The following TERF2IP variants were observed in gnomAD, a reference collection of about 807,000 sequenced individuals.
TERF2IP encodes telomeric repeat-binding factor 2-interacting protein 1.
TERF2IP carries 35 observed loss-of-function variants against 33.3 expected under a neutral mutation model. The ratio of observed to expected loss-of-function variants is 1.05; its 90% CI spans 0.80 to 1.39. The LOEUF (loss-of-function observed/expected upper bound fraction) is 1.39, where lower values mean the gene tolerates loss of function less well. Among genes scored for constraint, TERF2IP ranks in the 40% most tolerant of loss-of-function variants. The probability of loss-of-function intolerance (pLI) is 0.00; values close to 1 mark genes in which losing one functional copy is unlikely to be tolerated. For synonymous variants in TERF2IP, 253 were observed against 223.2 expected, an observed-to-expected ratio of 1.13 and a Z score of -1.19; for missense variants, 583 against 524.8, an observed-to-expected ratio of 1.11 and a Z score of -1.08.
At chr16:75,655,935 A>G (rs556373558) in intron 2 of TERF2IP, among the ~76,000 whole-genome samples, 96 of 152,262 alleles carry the variant, frequency 6.3e-4, no homozygotes, top group African/African-American at 2.0e-3. Flanking sequence ...TTGGAATACT[A>G]TAGTCAATTA....
intron 1 of TERF2IP, among the ~76,000 whole-genome samples, chr16:75,649,275 G>T (rs1725287502): frequency 6.6e-6 from 1 of 152,200 alleles, no homozygotes; most frequent in Admixed American, 6.5e-5. Context: ...CGGGCGCGGC[G>T]GCTCAAGCTT....
Position 75,648,185 on chromosome 16 carries a change from G to T in TERF2IP, c.303G>T (p.Leu101=). The T allele has an allele frequency of 6.4e-7, 1 of 1,554,218 alleles. No individual in the cohort carries two copies. The change falls in exon 1 of 3, where the codon CTG becomes CTT. Residue 101 remains leucine (L), a synonymous_variant. Coordinates refer to ENST00000300086, the MANE Select transcript of TERF2IP (RefSeq NM_018975.4). The stretch of plus-strand genomic sequence containing the variant: ...GGCTGGAGCTGGAGGCCTATCGGCT[G>T]GGCCCCGCCTCGGCGGCGGACACCG... ...NERLELEAYR[L]GPASAADTGS... is the part of the protein sequence containing the mutation.
chr16:75,648,039 G>T lies in TERF2IP; in HGVS notation c.157G>T (p.Val53Leu), dbSNP rs778592091. The T allele has an allele frequency of 6.2e-7, 1 of 1,608,860 alleles. No homozygotes were observed. The highest frequency in any genetic ancestry group is 1.3e-5 in the African/African-American group (1 of 74,932). The change falls in exon 1 of 3, where the codon GTG (valine) becomes TTG (leucine). Residue 53 changes from valine to leucine, a missense_variant. Physicochemically the swap from Val to Leu is conservative, Grantham distance 32 (BLOSUM62 1). Coordinates refer to ENST00000300086, the MANE Select transcript of TERF2IP (RefSeq NM_018975.4). ...GCTCATCCTGCACGGCGGCGGCACC[G>T]TGTGCCGAGTGCAGGAGCCCGGGGC... is the stretch of plus-strand genomic sequence containing the variant. ...STLILHGGGT[V>L]CRVQEPGAVL...
At chr16:75,653,372 T>G (rs939199289) in intron 1 of TERF2IP, among the ~76,000 whole-genome samples, 2 of 152,208 alleles carry the variant, frequency 1.3e-5, no homozygotes, top group African/African-American at 4.8e-5. Context: ...TTGAATTTTT[T>G]GAGGAACTGC....
intron 1 of TERF2IP, among the ~76,000 whole-genome samples, chr16:75,652,541 T>C (rs1295533453): frequency 6.6e-6 from 1 of 152,206 alleles, no homozygotes; most frequent in Non-Finnish European, 1.5e-5. Context: ...CTGGACTGTT[T>C]TGAAGCAAAT....
intron 1 of TERF2IP, among the ~76,000 whole-genome samples, chr16:75,650,612 T>G (rs1407863032): frequency 6.6e-6 from 1 of 152,202 alleles, no homozygotes; most frequent in Non-Finnish European, 1.5e-5. Flanking sequence ...CACGGCTCAC[T>G]GCAGCCTTGA....
intron 2 of TERF2IP, 130 bp from the exon 3 acceptor site, chr16:75,656,077 A>G: frequency 2.4e-6 from 2 of 850,536 alleles, no homozygotes; most frequent in Non-Finnish European, 3.7e-6. Context: ...CAGCATATTA[A>G]GAGGAACTGA....
rs367821647 is a variant in TERF2IP, at chr16:75,656,463, C to A, written c.1052C>A (p.Ala351Glu). 3 of 1,614,058 alleles carry A rather than the reference C, an allele frequency of 1.9e-6. No homozygotes were observed. The highest frequency in any genetic ancestry group is 3.3e-5 in the Admixed American group (2 of 60,006). ...GELEATSAFL[A>E]SGQRADGYPI... ...CTGGAGGCTACTTCCGCCTTCTTAG[C>A]GTCTGGTCAGAGAGCTGATGGATAT... The change falls in exon 3 of 3, where the codon GCG (alanine) becomes GAG (glutamate). Residue 351 changes from alanine to glutamate, a missense_variant. Coordinates refer to ENST00000300086, the MANE Select transcript of TERF2IP (RefSeq NM_018975.4).
intron 1 of TERF2IP, among the ~76,000 whole-genome samples, chr16:75,653,444 T>C (rs1397795624): frequency 6.6e-6 from 1 of 152,216 alleles, no homozygotes; most frequent in Non-Finnish European, 1.5e-5. Flanking sequence ...AGCACCCACA[T>C]TGGGATTTAG....
At chr16:75,655,760 G>T (rs1330397016) in intron 2 of TERF2IP, among the ~76,000 whole-genome samples, 1 of 152,180 alleles carries the variant, frequency 6.6e-6, no homozygotes, top group East Asian at 1.9e-4. Flanking sequence ...GGGTATTGGA[G>T]ATGTGGTGAT....
chr16:75,649,353 G>A (rs1190474969), intron 1 of TERF2IP, among the ~76,000 whole-genome samples: 2 of 152,170 alleles, frequency 1.3e-5, no homozygotes, highest in Non-Finnish European at 2.9e-5. Flanking sequence ...AGACGAGCCT[G>A]ACCAACATGG....
At position 75,648,056 on chromosome 16, in the gene TERF2IP, G is replaced by C. The variant is rs1269374185; in HGVS notation, c.174G>C (p.Glu58Asp). 1 of 1,596,628 alleles carries C rather than the reference G, an allele frequency of 6.3e-7. No individual in the cohort carries two copies. The highest frequency in any genetic ancestry group is 8.5e-7 in the Non-Finnish European group (1 of 1,171,746). ...HGGGTVCRVQ[E>D]PGAVLLAQPG... ...GCGGCACCGTGTGCCGAGTGCAGGA[G>C]CCCGGGGCCGTGCTGCTGGCCCAGC... The change falls in exon 1 of 3, where the codon GAG (glutamate) becomes GAC (aspartate). Residue 58 changes from glutamate (E) to aspartate (D), a missense_variant. Physicochemically the swap from Glu to Asp is conservative, Grantham distance 45 (BLOSUM62 2). Coordinates refer to ENST00000300086, the MANE Select transcript of TERF2IP (RefSeq NM_018975.4).
intron 1 of TERF2IP, among the ~76,000 whole-genome samples, chr16:75,651,608 G>T (rs2082347792): frequency 6.6e-6 from 1 of 152,152 alleles, no homozygotes; most frequent in African/African-American, 2.4e-5. Context: ...AAAATTGCTT[G>T]AACCAGGGAG....
chr16:75,654,321 A>G lies in TERF2IP; in HGVS notation c.719A>G (p.Lys240Arg), dbSNP rs1294102614. 1 of 1,613,970 alleles carries G rather than the reference A, an allele frequency of 6.2e-7. No homozygotes were observed. Among genetic ancestry groups the G allele is most frequent in the Non-Finnish European group, 8.5e-7 (1 of 1,179,956 alleles). Residue 240 changes from lysine to arginine, a missense_variant, in exon 2 of 3, where the codon AAG (lysine) becomes AGG (arginine). Physicochemically the swap from Lys to Arg is conservative, Grantham distance 26. Transcript: ENST00000300086. ...GATTTGCCTGAAGAAGAGTATGTGA[A>G]GGAAGAAATCCAGGAGAATGAAGAA... ...TPDLPEEEYVKEEIQENEEAV... is the reference protein window; with the variant it reads ...TPDLPEEEYVREEIQENEEAV...
Position 75,648,515 on chromosome 16 carries a change from G to C in TERF2IP, c.633G>C (p.Arg211=). 1 of 1,578,250 alleles carries C rather than the reference G, an allele frequency of 6.3e-7. No homozygotes were observed. The highest frequency in any genetic ancestry group is 8.6e-7 in the Non-Finnish European group (1 of 1,160,892). The change falls in exon 1 of 3, where the codon CGG becomes CGC. Residue 211 remains arginine, a synonymous_variant. Coordinates refer to ENST00000300086, the MANE Select transcript of TERF2IP (RefSeq NM_018975.4). The part of the protein sequence containing the change: ...PVSPSSQKLK[R]KAEEDPEAAD... ...GCCCCTCCTCCCAGAAGCTCAAGCGGAAGGCGGAGGAGGACCCGGAGGCCG... is the reference window on the plus strand; with the variant it reads ...GCCCCTCCTCCCAGAAGCTCAAGCGCAAGGCGGAGGAGGACCCGGAGGCCG...
chr16:75,656,409 C>T lies in TERF2IP; in HGVS notation c.998C>T (p.Thr333Ile). The T allele has an allele frequency of 6.2e-7, 1 of 1,614,172 alleles. No homozygotes were observed. The highest frequency in any genetic ancestry group is 8.5e-7 in the Non-Finnish European group (1 of 1,180,018). Residue 333 changes from threonine (T) to isoleucine (I), a missense_variant, in exon 3 of 3, where the codon ACA becomes ATA. Physicochemically the swap from Thr to Ile is moderately conservative, Grantham distance 89. Coordinates refer to ENST00000300086, the MANE Select transcript of TERF2IP (RefSeq NM_018975.4). Reference protein sequence around the residue: ...EKFNLDLSTVTQAFLKNSGEL... With the variant: ...EKFNLDLSTVIQAFLKNSGEL... Reference sequence around the variant, plus strand: ...TTTAACTTGGATCTATCAACAGTTACACAGGCCTTCCTAAAAAATAGTGGT... The same window carrying T: ...TTTAACTTGGATCTATCAACAGTTATACAGGCCTTCCTAAAAAATAGTGGT...
At chr16:75,655,576 T>C (rs950657678) in intron 2 of TERF2IP, among the ~76,000 whole-genome samples, 1 of 152,246 alleles carries the variant, frequency 6.6e-6, no homozygotes, top group East Asian at 1.9e-4. Flanking sequence ...TGTTTTATTA[T>C]TTGATATTTG....
At position 75,647,882 on chromosome 16, in the gene TERF2IP, C is replaced by T. The variant is rs776746066; in HGVS notation, c.-1C>T. 11 of 1,603,462 alleles carry T rather than the reference C, an allele frequency of 6.9e-6. No homozygotes were observed. Among genetic ancestry groups the T allele is most frequent in the Middle Eastern group, 3.3e-4 (2 of 6,016 alleles). ...TCTTCTAGTAGTGCTCGGCGTCAGACATGGCGGAGGCGATGGATTTGGGCA... is the reference window on the plus strand; with the variant it reads ...TCTTCTAGTAGTGCTCGGCGTCAGATATGGCGGAGGCGATGGATTTGGGCA... On this transcript the variant is annotated 5_prime_UTR_variant, in exon 1 of 3. Coordinates refer to ENST00000300086, the MANE Select transcript of TERF2IP (RefSeq NM_018975.4).
At chr16:75,656,069 G>A (rs1405923882) in intron 2 of TERF2IP, 138 bp from the exon 3 acceptor site, 6 of 804,554 alleles carry the variant, frequency 7.5e-6, no homozygotes, top group African/African-American at 1.7e-5. Flanking sequence ...AAGGAACACA[G>A]CATATTAAGA....
Sources: allele counts gnomAD v4.1 joint callset (sites outside exome capture counted in the v4.1 genomes callset), GRCh38; gene constraint gnomAD v4.1.1; transcripts MANE v1.5; gene names NCBI Gene and HGNC (gene_info 2026-07-23, HGNC 2026-07-21).